Variants in GNS observed in about 807,000 individuals in gnomAD.
GNS encodes glucosamine (N-acetyl)-6-sulfatase, also known as N-acetylglucosamine-6-sulfatase.
GNS carries 40 observed loss-of-function variants against 69.7 expected under a neutral mutation model. That is an observed-to-expected ratio of 0.57 (90% CI 0.45 to 0.75). The LOEUF is 0.75. Ranked by LOEUF, GNS falls within the 30% of genes least tolerant of loss-of-function variation. The probability of loss-of-function intolerance (pLI) is 0.00; values close to 1 mark genes in which losing one functional copy is unlikely to be tolerated. For synonymous variants in GNS, 243 were observed against 251.6 expected (o/e 0.97, Z 0.32); for missense variants, 565 against 685.5 (o/e 0.82, Z 1.96).
intron 10 of GNS, among the ~76,000 whole-genome samples, chr12:64,724,699 A>G (rs1293526784): frequency 6.6e-6 from 1 of 152,132 alleles, no homozygotes; most frequent in Non-Finnish European, 1.5e-5. Context: ...CTCTACTAAA[A>G]AATACCAAAA....
intron 6 of GNS, among the ~76,000 whole-genome samples, chr12:64,741,057 G>A (rs968538726): frequency 1.4e-5 from 1 of 71,962 alleles, no homozygotes. Context: ...TAGAAAATGG[G>A]CAAATAGGGC....
At chr12:64,754,270 T>C (rs938171539) in intron 1 of GNS, among the ~76,000 whole-genome samples, 4 of 152,004 alleles carry the variant, frequency 2.6e-5, no homozygotes, top group Admixed American at 2.6e-4. Context: ...GTAAGTGCTA[T>C]GAAGAGAATA....
At chr12:64,738,916 A>G (rs1056792409) in intron 8 of GNS, among the ~76,000 whole-genome samples, 2 of 152,106 alleles carry the variant, frequency 1.3e-5, no homozygotes, top group Admixed American at 6.6e-5. Flanking sequence ...GGACATTTAT[A>G]TATGTGGAAA....
Position 64,720,152 on chromosome 12 carries a change from C to A in GNS, c.1450G>T (p.Asp484Tyr). 6.2e-7 allele frequency: 1 copy of A among 1,606,254 alleles called. No homozygotes were observed. The highest frequency in any genetic ancestry group is 1.1e-5 in the South Asian group (1 of 90,892). The change falls in exon 13 of 14, where the codon GAC (aspartate) becomes TAC (tyrosine). Residue 484 changes from aspartate to tyrosine, a missense_variant. Asp to Tyr is a radical substitution (Grantham distance 160, BLOSUM62 -3). Transcript: ENST00000258145. ...GCAATGTTAGTGATCTGGTCTGGGTCTGCAGTCAGATTATAGACTTCTACA... is the reference window on the plus strand; with the variant it reads ...GCAATGTTAGTGATCTGGTCTGGGTATGCAGTCAGATTATAGACTTCTACA... ...VFVEVYNLTA[D>Y]PDQITNIAKT...
chr12:64,758,196 T>A (rs900835220), intron 1 of GNS, among the ~76,000 whole-genome samples: 3 of 151,832 alleles, frequency 2.0e-5, no homozygotes, highest in African/African-American at 7.3e-5. Context: ...TGACAGTCTC[T>A]AATGCAACAG....
At chr12:64,729,114 A>C (rs745402287) in intron 9 of GNS, 57 bp from the exon 10 acceptor site, 5 of 934,630 alleles carry the variant, frequency 5.3e-6, no homozygotes, top group Non-Finnish European at 8.9e-6. Context: ...TTCCTTTTCT[A>C]CCTATACTAA....
At chr12:64,726,847 C>T (rs1033356183) in intron 10 of GNS, among the ~76,000 whole-genome samples, 3 of 151,298 alleles carry the variant, frequency 2.0e-5, no homozygotes, top group South Asian at 2.1e-4. Context: ...GACTATGATA[C>T]GCAAAAATGC....
At chr12:64,739,604 CG>C in intron 7 of GNS, 105 bp from the exon 8 acceptor site, 2 of 644,166 alleles carry the variant, frequency 3.1e-6, no homozygotes. Flanking sequence ...AAGACACCCC[CG>C]TTTAAAAAAA....
At chr12:64,741,682 T>C (rs1048428069) in intron 6 of GNS, among the ~76,000 whole-genome samples, 3 of 152,104 alleles carry the variant, frequency 2.0e-5, no homozygotes, top group Admixed American at 6.6e-5. Context: ...CAAGTCTAAA[T>C]CTGGAGGGCC....
intron 10 of GNS, among the ~76,000 whole-genome samples, chr12:64,725,196 A>T (rs1476928083): frequency 1.3e-5 from 2 of 152,216 alleles, no homozygotes; most frequent in Non-Finnish European, 2.9e-5. Flanking sequence ...GGTCTGTAGG[A>T]GTTGTTAAAC....
intron 1 of GNS, chr12:64,756,523 C>T: frequency 1.9e-6 from 1 of 530,950 alleles, no homozygotes; most frequent in Non-Finnish European, 3.3e-6. Flanking sequence ...CATAAGATAC[C>T]CAGGCTTTGT....
At chr12:64,727,728 G>C (rs1216160283) in intron 10 of GNS, among the ~76,000 whole-genome samples, 1 of 152,052 alleles carries the variant, frequency 6.6e-6, no homozygotes, top group African/African-American at 2.4e-5. Context: ...GTGGGAATGG[G>C]AGCAACAGAT....
At chr12:64,718,358 T>C (rs1868928361) in intron 13 of GNS, among the ~76,000 whole-genome samples, 1 of 152,254 alleles carries the variant, frequency 6.6e-6, no homozygotes, top group African/African-American at 2.4e-5. Flanking sequence ...ACTTTAGTTA[T>C]AAGCTTCTAA....
Position 64,759,366 on chromosome 12 carries a change from A to C in GNS, c.-90T>G. 1.1e-6 allele frequency: 1 copy of C among 894,360 alleles called. No homozygotes were observed. The highest frequency in any genetic ancestry group is 2.7e-5 in the East Asian group (1 of 37,388). The allele number at this position is 894,360 out of a possible 1,614,324, so 55.4% of individuals were successfully genotyped here. A position where few individuals can be genotyped will look rare whatever the true frequency, so the allele number is the denominator to read the frequency against. ...GGCGAGAGGCCGACCAGCCGAAGGA[A>C]TAAAAAGCCGTGCCTTGAAGGCCGG... On this transcript the variant is annotated 5_prime_UTR_variant, in exon 1 of 14. Coordinates refer to ENST00000258145, the MANE Select transcript of GNS (RefSeq NM_002076.4).
At chr12:64,749,248 C>CTTTTT (rs759239939) in intron 2 of GNS, among the ~76,000 whole-genome samples, 4 of 65,044 alleles carry the variant, frequency 6.1e-5, no homozygotes, top group Admixed American at 2.1e-4. Context: ...CTTGATTTGG[C>CTTTTT]TTTTTTTTTT....
At chr12:64,728,155 C>G (rs1301183951) in intron 10 of GNS, among the ~76,000 whole-genome samples, 1 of 152,174 alleles carries the variant, frequency 6.6e-6, no homozygotes, top group Non-Finnish European at 1.5e-5. Context: ...GAACCCCTGA[C>G]TTCAGGTGAT....
At chr12:64,725,065 T>C (rs1021382688) in intron 10 of GNS, among the ~76,000 whole-genome samples, 1 of 152,186 alleles carries the variant, frequency 6.6e-6, no homozygotes, top group African/African-American at 2.4e-5. Flanking sequence ...CCAGGGAAAC[T>C]TGAAAAATCC....
chr12:64,720,222 G>C (rs1592491154), intron 12 of GNS, 40 bp from the exon 13 acceptor site: 2 of 1,361,240 alleles, frequency 1.5e-6, no homozygotes, highest in Non-Finnish European at 2.1e-6. Flanking sequence ...AAAGAGCAAA[G>C]GTTAGCCGTG....
intron 11 of GNS, among the ~76,000 whole-genome samples, chr12:64,722,220 G>A (rs1054683711): frequency 2.0e-5 from 3 of 152,046 alleles, no homozygotes; most frequent in African/African-American, 7.2e-5. Flanking sequence ...GTTTCGGCAT[G>A]TTGGCTAGGC....
Sources: allele counts gnomAD v4.1 joint callset (sites outside exome capture counted in the v4.1 genomes callset), GRCh38; gene constraint gnomAD v4.1.1; transcripts MANE v1.5; gene names NCBI Gene and HGNC (gene_info 2026-07-23, HGNC 2026-07-21).